Variants in PRKG1 observed in about 807,000 individuals in gnomAD.
PRKG1 encodes protein kinase cGMP-dependent 1, also known as cGMP-dependent protein kinase 1.
Under a neutral mutation model 88.1 loss-of-function variants are expected in PRKG1, and 35 were observed. The observed-to-expected ratio is 0.40, with a 90% confidence interval of 0.30 to 0.53. The LOEUF is 0.53. PRKG1 is among the 20% of genes least tolerant of loss of function. The probability of loss-of-function intolerance (pLI) is 0.59; values close to 1 mark genes in which losing one functional copy is unlikely to be tolerated. For missense variants in PRKG1, 540 were observed against 839.8 expected (o/e 0.64, Z 4.41); for synonymous variants, 303 against 292.5 (o/e 1.04, Z -0.37).
intron 1 of PRKG1, among the ~76,000 whole-genome samples, chr10:51,081,073 A>G (rs994575348): frequency 6.6e-6 from 1 of 152,196 alleles, no homozygotes; most frequent in African/African-American, 2.4e-5. Flanking sequence ...TTATAAGCAT[A>G]CTACTCTCCA....
intron 3 of PRKG1, among the ~76,000 whole-genome samples, chr10:51,615,764 T>G (rs894628580): frequency 2.0e-5 from 3 of 151,980 alleles, no homozygotes; most frequent in Admixed American, 2.0e-4. Flanking sequence ...CCCCTGTATC[T>G]CACCAAGCTT....
At chr10:51,124,753 G>A (rs893254539) in intron 1 of PRKG1, among the ~76,000 whole-genome samples, 6 of 152,106 alleles carry the variant, frequency 3.9e-5, no homozygotes, top group Admixed American at 1.3e-4. Context: ...ACAAAAAAAC[G>A]GGGAAACTCC....
intron 5 of PRKG1, among the ~76,000 whole-genome samples, chr10:51,934,557 A>G (rs1156781987): frequency 6.6e-6 from 1 of 151,848 alleles, no homozygotes; most frequent in African/African-American, 2.4e-5. Flanking sequence ...AGTGTAGGTC[A>G]GTATAGGGGT....
chr10:52,110,174 C>G (rs1043197762), intron 7 of PRKG1, among the ~76,000 whole-genome samples: 10 of 151,802 alleles, frequency 6.6e-5, no homozygotes, highest in Admixed American at 2.0e-4. Context: ...TGGTGAAACC[C>G]CGTCTCTACT....
Position 51,709,046 on chromosome 10 carries a change from G to C in PRKG1, c.593-95539G>C, listed in dbSNP as rs193013064. Among the ~76,000 whole-genome samples, 104 of 152,318 alleles carry C rather than the reference G, an allele frequency of 6.8e-4. 1 individual carries two copies. The highest frequency in any genetic ancestry group is 1.1e-3 in the Non-Finnish European group (74 of 68,018). The stretch of plus-strand genomic sequence containing the variant: ...GCCATTTCCAATGCACATTCTGCCA[G>C]AGAAAGTTTGTCCACAACCTTCCTC... On this transcript the variant is annotated intron_variant, in intron 3 of 17. Coordinates refer to ENST00000373980, the MANE Select transcript of PRKG1 (RefSeq NM_006258.4).
chr10:51,798,183 CA>C (rs1409569115), intron 3 of PRKG1, among the ~76,000 whole-genome samples: 1 of 152,000 alleles, frequency 6.6e-6, no homozygotes, highest in African/African-American at 2.4e-5. Flanking sequence ...ATTTCTGAAT[CA>C]TATACTGATC....
intron 8 of PRKG1, among the ~76,000 whole-genome samples, chr10:52,159,307 T>A (rs550998425): frequency 7.9e-5 from 12 of 151,664 alleles, no homozygotes; most frequent in African/African-American, 2.6e-4. Context: ...AAATATTGGG[T>A]CATTAGGACA....
rs1589768196 is a variant in PRKG1, at chr10:52,296,522, T to C, written c.*2622T>C. 1 of 152,122 alleles carries C rather than the reference T, an allele frequency of 6.6e-6. No individual in the cohort carries two copies. The allele number at this position is 152,122 out of a possible 1,614,324, so 9.4% of individuals were successfully genotyped here. ...ATGAAGACTCTAGGGCTAAAATTCA[T>C]GGTCAGTTCCATAAAATGCATCTCA... is the stretch of plus-strand genomic sequence containing the variant. On this transcript the variant is annotated 3_prime_UTR_variant, in exon 18 of 18. Coordinates refer to ENST00000373980, the MANE Select transcript of PRKG1 (RefSeq NM_006258.4).
intron 3 of PRKG1, among the ~76,000 whole-genome samples, chr10:51,572,911 C>A (rs1009273903): frequency 1.3e-5 from 2 of 151,686 alleles, no homozygotes; most frequent in Admixed American, 6.6e-5. Context: ...CCACGTATAC[C>A]AAAATAGTGG....
chr10:51,880,218 T>A (rs1366639302), intron 4 of PRKG1, among the ~76,000 whole-genome samples: 6 of 150,280 alleles, frequency 4.0e-5, no homozygotes, highest in Non-Finnish European at 7.4e-5. Context: ...AGGAATTAAA[T>A]AGAAAGTAAT....
At chr10:51,485,889 T>C (rs1277844124) in intron 3 of PRKG1, among the ~76,000 whole-genome samples, 1 of 152,104 alleles carries the variant, frequency 6.6e-6, no homozygotes, top group Non-Finnish European at 1.5e-5. Flanking sequence ...TTAGCAGCCA[T>C]TCACACCTGT....
chr10:51,303,118 G>A lies in PRKG1; in HGVS notation c.478+149788G>A, dbSNP rs183677157. 3.9e-3 allele frequency among the ~76,000 whole-genome samples: 587 copies of A among 152,172 alleles called. 3 individuals carry two copies. The highest frequency in any genetic ancestry group is 8.9e-3 in the South Asian group (43 of 4,824). ...CTGTTTGCAAATATGGGGCAGTCAA[G>A]AATATACCCAGAGAAAGCTATTCCA... On this transcript the variant is annotated intron_variant, in intron 2 of 17. Coordinates refer to ENST00000373980, the MANE Select transcript of PRKG1 (RefSeq NM_006258.4).
intron 3 of PRKG1, among the ~76,000 whole-genome samples, chr10:51,703,471 T>C (rs183959879): frequency 3.9e-5 from 6 of 152,230 alleles, no homozygotes; most frequent in Non-Finnish European, 7.3e-5. Flanking sequence ...TAAACCTTGA[T>C]ATACCTTGTA....
chr10:52,171,126 TTTTTTTTTTTTTTGGTTTTG>T (rs755190015), intron 9 of PRKG1, among the ~76,000 whole-genome samples: 903 of 9,438 alleles, frequency 0.096, 5 homozygotes, highest in Non-Finnish European at 0.11. Flanking sequence ...TATTGGTGTG[TTTTTTTTTTTTTTGGTTTTG>T]TTTTTTTTTT....
At chr10:51,646,241 A>G (rs944733322) in intron 3 of PRKG1, among the ~76,000 whole-genome samples, 6 of 152,152 alleles carry the variant, frequency 3.9e-5, no homozygotes, top group African/African-American at 1.4e-4. Flanking sequence ...CAAGCTACCT[A>G]ATTATTTTAG....
At chr10:51,847,578 GA>G (rs1840432343) in intron 4 of PRKG1, among the ~76,000 whole-genome samples, 2 of 150,828 alleles carry the variant, frequency 1.3e-5, no homozygotes, top group Non-Finnish European at 3.0e-5. Flanking sequence ...ATTAATTAAT[GA>G]TCTATTGACA....
chr10:51,249,244 A>T (rs1249963798), intron 2 of PRKG1, among the ~76,000 whole-genome samples: 1 of 151,880 alleles, frequency 6.6e-6, no homozygotes, highest in Non-Finnish European at 1.5e-5. Context: ...TTATAAGAAA[A>T]TGTTAGTAAT....
chr10:51,888,451 T>G (rs1399362110), intron 4 of PRKG1, among the ~76,000 whole-genome samples: 3 of 152,228 alleles, frequency 2.0e-5, no homozygotes, highest in Non-Finnish European at 4.4e-5. Flanking sequence ...TCAACTTCTG[T>G]CTGTGCTTTC....
At position 51,887,397 on chromosome 10, in the gene PRKG1, A is replaced by G. The variant is rs529540763; in HGVS notation, c.699-20110A>G. On this transcript the variant is annotated intron_variant, in intron 4 of 17. Coordinates refer to ENST00000373980, the MANE Select transcript of PRKG1 (RefSeq NM_006258.4). ...AACAGGAAGGTGCAGATATCTTTTC[A>G]AGATCTGAACTTTGATTCTTTTGAA... is the stretch of plus-strand genomic sequence containing the variant. 1.3e-3 allele frequency among the ~76,000 whole-genome samples: 191 copies of G among 152,312 alleles called. 1 individual carries two copies. Among genetic ancestry groups the G allele is most frequent in the South Asian group, 4.8e-3 (23 of 4,828 alleles).
Sources: gnomAD v4.1 joint callset for allele counts (sites outside exome capture counted in the v4.1 genomes callset) on GRCh38, gnomAD v4.1.1 for gene constraint, MANE v1.5 for transcripts, NCBI Gene and HGNC (gene_info 2026-07-23, HGNC 2026-07-21) for gene names.